Variants in METTL15 observed in about 807,000 individuals in gnomAD.
METTL15 encodes the protein 12S rRNA N(4)-cytidine methyltransferase METTL15.
A neutral mutation model predicts 38.3 loss-of-function variants in METTL15; 34 were observed. The observed-to-expected ratio is 0.89, with a 90% confidence interval of 0.68 to 1.18. The LOEUF is 1.18. METTL15 is among the 50% of genes most tolerant of loss of function. METTL15 has a pLI of 0.00. For synonymous variants in METTL15, 162 were observed against 170.9 expected (o/e 0.95, Z 0.41); for missense variants, 438 against 498.4 (o/e 0.88, Z 1.15).
In METTL15 at chr11:28,450,371, T is replaced by A. The variant is rs997906004; in HGVS notation, c.*424+26007T>A. Among the ~76,000 whole-genome samples the A allele has an allele frequency of 3.3e-5, 5 of 152,354 alleles. No homozygotes were observed. The East Asian group carries it at 9.6e-4, about 29-fold the overall frequency. On this transcript the variant is annotated intron_variant and NMD_transcript_variant, in intron 6 of 7. Coordinates refer to the METTL15 transcript ENST00000532947. Reference sequence around the variant, plus strand: ...AATGGTGACTAAAACAACGTCCTCATGAGGCTTATTTACAATGAGGAAATA... The same window carrying A: ...AATGGTGACTAAAACAACGTCCTCAAGAGGCTTATTTACAATGAGGAAATA...
intron 4 of METTL15, among the ~76,000 whole-genome samples, chr11:28,251,026 A>G (rs1854720165): frequency 6.6e-6 from 1 of 152,022 alleles, no homozygotes; most frequent in Admixed American, 6.6e-5. Flanking sequence ...ATCCTTTTAA[A>G]CAAAGCTTTC....
At chr11:28,265,736 GA>G (rs1278215105) in intron 4 of METTL15, among the ~76,000 whole-genome samples, 1 of 151,976 alleles carries the variant, frequency 6.6e-6, no homozygotes, top group Non-Finnish European at 1.5e-5. Context: ...CTTTTCTCTT[GA>G]ACTCCACACC....
intron 5 of METTL15, among the ~76,000 whole-genome samples, chr11:28,403,424 G>C (rs1049970813): frequency 1.4e-4 from 22 of 151,980 alleles, no homozygotes; most frequent in Non-Finnish European, 1.0e-4. Flanking sequence ...ATCAGTATTA[G>C]CTATCATTGT....
At chr11:28,266,006 G>T (rs1451922472) in intron 4 of METTL15, among the ~76,000 whole-genome samples, 1 of 152,070 alleles carries the variant, frequency 6.6e-6, no homozygotes, top group East Asian at 1.9e-4. Flanking sequence ...TCCCCTTCCT[G>T]TGTCCATGTG....
chr11:28,326,106 A>G (rs1308132762), intron 6 of METTL15, among the ~76,000 whole-genome samples: 1 of 152,224 alleles, frequency 6.6e-6, no homozygotes, highest in Admixed American at 6.5e-5. Flanking sequence ...TCAGGAGATG[A>G]AAAAGCAGAA....
At chr11:28,321,935 G>A (rs1366895097) in intron 6 of METTL15, among the ~76,000 whole-genome samples, 1 of 151,492 alleles carries the variant, frequency 6.6e-6, no homozygotes, top group Non-Finnish European at 1.5e-5. Context: ...TGATCAAGAG[G>A]GTACTTCAAA....
At chr11:28,190,702 A>G (rs573384727) in intron 3 of METTL15, among the ~76,000 whole-genome samples, 8 of 151,352 alleles carry the variant, frequency 5.3e-5, no homozygotes, top group Middle Eastern at 3.4e-3. Flanking sequence ...ATAATTTTCT[A>G]CTGAATTAGG....
chr11:28,196,450 C>T (rs192592354), intron 3 of METTL15, among the ~76,000 whole-genome samples: 14 of 151,662 alleles, frequency 9.2e-5, no homozygotes, highest in African/African-American at 2.7e-4. Context: ...TCTTTGTTTT[C>T]GTTTTTTTTG....
chr11:28,249,446 A>C (rs1854645960), intron 4 of METTL15, among the ~76,000 whole-genome samples: 1 of 152,006 alleles, frequency 6.6e-6, no homozygotes, highest in African/African-American at 2.4e-5. Flanking sequence ...ACTCAACCCG[A>C]TACTATATTA....
At chr11:28,426,271 C>G (rs1208253885) in intron 6 of METTL15, among the ~76,000 whole-genome samples, 2 of 152,206 alleles carry the variant, frequency 1.3e-5, no homozygotes, top group Non-Finnish European at 2.9e-5. Context: ...CTGCAAAGGA[C>G]ATGATCTCGT....
downstream of METTL15, among the ~76,000 whole-genome samples, chr11:28,337,230 T>C (rs1849908701): frequency 6.6e-6 from 1 of 152,102 alleles, no homozygotes; most frequent in Admixed American, 6.6e-5. Flanking sequence ...GCTAAAGTAG[T>C]TTATTATTGA....
At chr11:28,459,096 T>A (rs139134197) in intron 6 of METTL15, among the ~76,000 whole-genome samples, 3 of 152,184 alleles carry the variant, frequency 2.0e-5, no homozygotes, top group Admixed American at 6.5e-5. Flanking sequence ...TGTACCCTTA[T>A]ATCCTGACAT....
At chr11:28,329,191 G>A (rs534103330) in intron 6 of METTL15, among the ~76,000 whole-genome samples, 12 of 152,138 alleles carry the variant, frequency 7.9e-5, no homozygotes, top group South Asian at 6.2e-4. Flanking sequence ...AATTGCCTCC[G>A]CATCATTTGT....
At chr11:28,449,254 T>A (rs1851099958) in intron 6 of METTL15, among the ~76,000 whole-genome samples, 1 of 152,110 alleles carries the variant, frequency 6.6e-6, no homozygotes, top group Non-Finnish European at 1.5e-5. Flanking sequence ...GTAGAGTAAA[T>A]TTTTAGCTAT....
At chr11:28,167,722 A>G (rs1850705332) in intron 3 of METTL15, among the ~76,000 whole-genome samples, 1 of 151,812 alleles carries the variant, frequency 6.6e-6, no homozygotes, top group African/African-American at 2.4e-5. Flanking sequence ...CTAGATTCAT[A>G]TCTAGTATCA....
At chr11:28,489,156 C>T (rs531690924) in intron 6 of METTL15, among the ~76,000 whole-genome samples, 25 of 152,134 alleles carry the variant, frequency 1.6e-4, no homozygotes, top group Non-Finnish European at 3.1e-4. Context: ...GCTCCTAGCT[C>T]CTCTTGCTTT....
intron 4 of METTL15, among the ~76,000 whole-genome samples, chr11:28,254,784 G>A (rs1226495735): frequency 6.6e-6 from 1 of 152,096 alleles, no homozygotes; most frequent in Non-Finnish European, 1.5e-5. Flanking sequence ...TGAATTCACT[G>A]TTGATGTATA....
intron 3 of METTL15, chr11:28,122,268 A>G (rs939644445): frequency 4.3e-6 from 4 of 940,810 alleles, no homozygotes; most frequent in Non-Finnish European, 5.6e-6. Context: ...TAAAATGTGA[A>G]AAACTGATGC....
intron 4 of METTL15, among the ~76,000 whole-genome samples, chr11:28,228,958 TCAAA>T (rs1590190977): frequency 6.6e-6 from 1 of 151,906 alleles, no homozygotes; most frequent in South Asian, 2.1e-4. Context: ...GATTTTAGAA[TCAAA>T]CAGTCTTGAT....
Sources: allele counts gnomAD v4.1 joint callset (sites outside exome capture counted in the v4.1 genomes callset), GRCh38; gene constraint gnomAD v4.1.1; transcripts MANE v1.5; gene names NCBI Gene and HGNC (gene_info 2026-07-23, HGNC 2026-07-21).